PLP1: variants seen among roughly 807,000 people sequenced by gnomAD.
The protein encoded by PLP1 is proteolipid protein 1.
A neutral mutation model predicts 18.5 loss-of-function variants in PLP1; 2 were observed. The observed-to-expected ratio is 0.11, with a 90% CI of 0.04 to 0.34. The LOEUF is 0.34. Among genes scored for constraint, PLP1 ranks in the 10% least tolerant of loss-of-function variants. PLP1 has a pLI of 1.00. For synonymous variants in PLP1, 86 were observed against 83.2 expected (o/e 1.03, Z -0.19); for missense variants, 105 against 207.3 (o/e 0.51, Z 3.03).
intron 3 of PLP1, 103 bp downstream of exon 3, chrX:103,786,829 C>A: frequency 1.1e-6 from 1 of 884,059 alleles, no homozygotes; most frequent in Non-Finnish European, 1.7e-6. Context: ...CTCTAGGGGC[C>A]TGGCATTTGA....
intron 5 of PLP1, 73 bp from the exon 6 acceptor site, chrX:103,789,260 G>A (rs991952754): frequency 2.7e-6 from 2 of 751,895 alleles, no homozygotes; most frequent in African/African-American, 4.1e-5. Context: ...TCAGAAAGCT[G>A]TATTCATGAT....
At chrX:103,783,684 A>G (rs2074472257) in intron 1 of PLP1, among the ~76,000 whole-genome samples, 1 of 112,312 alleles carries the variant, frequency 8.9e-6, no homozygotes, top group African/African-American at 3.2e-5. Context: ...GGCTAAAAAC[A>G]AACTGTAACT....
chrX:103,785,787 A>G lies in PLP1; in HGVS notation c.191+19A>G, dbSNP rs746599075. On this transcript the variant is annotated intron_variant, in intron 2 of 6. Transcript: ENST00000621218. The stretch of plus-strand genomic sequence containing the variant: ...TCAATGTGTAAGTACCTGCCCTCCC[A>G]CACAGACCCATCTTTTTTTTCCCTC... 16 of 1,163,563 alleles carry G rather than the reference A, an allele frequency of 1.4e-5. No homozygotes were observed. The highest frequency in any genetic ancestry group is 1.3e-4 in the Admixed American group (6 of 45,727).
At chrX:103,787,217 G>T (rs952603351) in intron 3 of PLP1, among the ~76,000 whole-genome samples, 1 of 111,571 alleles carries the variant, frequency 9.0e-6, no homozygotes, top group Non-Finnish European at 1.9e-5. Context: ...GAGTAGATCT[G>T]CATGTTGAAT....
Position 103,787,884 on chromosome X carries a change from C to T in PLP1, c.540C>T (p.Thr180=). The T allele has an allele frequency of 8.3e-7, 1 of 1,207,186 alleles. No homozygotes were observed. The highest frequency in any genetic ancestry group is 1.1e-6 in the Non-Finnish European group (1 of 891,336). Reference sequence around the variant, plus strand: ...TGCCTGTGTACATTTACTTCAACACCTGGACCACCTGCCAGTCTATTGCCT... The same window carrying T: ...TGCCTGTGTACATTTACTTCAACACTTGGACCACCTGCCAGTCTATTGCCT... ...SAVPVYIYFN[T]WTTCQSIAFP... is the part of the protein sequence containing the mutation. Residue 180 remains threonine (T), a synonymous_variant, in exon 4 of 7, where the codon ACC becomes ACT. Transcript: ENST00000621218.
At chrX:103,788,139 G>C (rs2858186) in intron 4 of PLP1, among the ~76,000 whole-genome samples, 173 bp downstream of exon 4, 1 of 111,951 alleles carries the variant, frequency 8.9e-6, no homozygotes, top group African/African-American at 3.3e-5. Context: ...TTTCTTCCCC[G>C]GGAAGGGAAC....
chrX:103,779,087 G>A (rs2074432767), intron 1 of PLP1, among the ~76,000 whole-genome samples: 2 of 112,508 alleles, frequency 1.8e-5, no homozygotes, highest in South Asian at 3.7e-4. Context: ...GATTTATGGG[G>A]AAAATGATAG....
In PLP1 at chrX:103,792,096, T is replaced by C. The variant is rs1483204776; in HGVS notation, c.*1498T>C. ...GAATAGCTCCCAGATTTCAGTCTTT[T>C]CCTGTTTTTGTTAACTTTGGGTTAA... On this transcript the variant is annotated 3_prime_UTR_variant, in exon 7 of 7. Coordinates refer to ENST00000621218, the MANE Select transcript of PLP1 (RefSeq NM_000533.5). 1 of 111,206 alleles carries C rather than the reference T, an allele frequency of 9.0e-6. No individual in the cohort carries two copies. The highest frequency in any genetic ancestry group is 2.8e-4 in the East Asian group (1 of 3,576). The allele number at this position is 111,206 out of a possible 1,213,427, so 9.2% of individuals were successfully genotyped here.
intron 1 of PLP1, among the ~76,000 whole-genome samples, chrX:103,783,427 T>A (rs767855810): frequency 8.9e-6 from 1 of 112,684 alleles, no homozygotes; most frequent in Non-Finnish European, 1.9e-5. Context: ...GCTCCAAATG[T>A]TAGCTGCTTA....
intron 1 of PLP1, among the ~76,000 whole-genome samples, chrX:103,777,278 C>T (rs2074418440): frequency 9.0e-6 from 1 of 111,283 alleles, no homozygotes; most frequent in Non-Finnish European, 1.9e-5. Context: ...TCCTCCTACC[C>T]CCTCACTTCC....
At chrX:103,783,986 C>CT (rs950517576) in intron 1 of PLP1, among the ~76,000 whole-genome samples, 1 of 104,987 alleles carries the variant, frequency 9.5e-6, no homozygotes, top group Non-Finnish European at 2.0e-5. Flanking sequence ...GACATTTTTT[C>CT]TGAAGAGCTT....
At chrX:103,786,004 C>G in intron 2 of PLP1, 1 of 422,112 alleles carries the variant, frequency 2.4e-6, no homozygotes, top group Non-Finnish European at 4.0e-6. Context: ...TGTTTTCTTA[C>G]ACGTGTTCTG....
rs2074509927 is a variant in PLP1, at chrX:103,787,791, A to G, written c.454-7A>G. 8.3e-7 allele frequency: 1 copy of G among 1,205,080 alleles called. No homozygotes were observed. The highest frequency in any genetic ancestry group is 1.7e-5 in the African/African-American group (1 of 57,618). On this transcript the variant is annotated splice_region_variant and splice_polypyrimidine_tract_variant and intron_variant, in intron 3 of 6. Coordinates refer to ENST00000621218, the MANE Select transcript of PLP1 (RefSeq NM_000533.5). ...GATTTCTAACCACCCCATGTCAATC[A>G]TTTTAGTTTGTGGGCATCACCTATG...
Position 103,791,167 on chromosome X carries a change from A to G in PLP1, c.*569A>G, listed in dbSNP as rs2074542501. ...TATTGCAGCTGGGAGAAGGGGGTCAAAGCAAGGATCTTTCACCCACAGAAA... is the reference window on the plus strand; with the variant it reads ...TATTGCAGCTGGGAGAAGGGGGTCAGAGCAAGGATCTTTCACCCACAGAAA... On this transcript the variant is annotated 3_prime_UTR_variant, in exon 7 of 7. Transcript: ENST00000621218. 2 of 119,261 alleles carry G rather than the reference A, an allele frequency of 1.7e-5. No individual in the cohort carries two copies. The highest frequency in any genetic ancestry group is 6.2e-4 in the South Asian group (2 of 3,252). 9.8% of individuals were successfully genotyped at this position (119,261 alleles called of 1,213,427 possible). A position where few individuals can be genotyped will look rare whatever the true frequency, so the allele number is the denominator to read the frequency against.
rs186270804 is a variant in PLP1 at position 103,791,225 on chromosome X, G to A, written c.*627G>A. The A allele has an allele frequency of 1.4e-4, 16 of 116,089 alleles. No homozygotes were observed. The East Asian group carries it at 3.5e-3, about 26-fold the overall frequency. The allele number at this position is 116,089 out of a possible 1,213,427, so 9.6% of individuals were successfully genotyped here. ...CTGACCCCGATGGCGATGGACTACT[G>A]AAGCCCTAACTCAGCCAACCTTACT... On this transcript the variant is annotated 3_prime_UTR_variant, in exon 7 of 7. Coordinates refer to ENST00000621218, the MANE Select transcript of PLP1 (RefSeq NM_000533.5).
chrX:103,780,581 TTG>T (rs1355306155), intron 1 of PLP1, among the ~76,000 whole-genome samples: 1 of 110,961 alleles, frequency 9.0e-6, no homozygotes, highest in Non-Finnish European at 1.9e-5. Context: ...TTAGTTAACC[TTG>T]TCCACATGAT....
Position 103,787,866 on chromosome X carries a change from G to A in PLP1, c.522G>A (p.Val174=), listed in dbSNP as rs773842592. ...LLVFACSAVP[V]YIYFNTWTTC... ...TGTTTGCCTGCTCTGCTGTGCCTGT[G>A]TACATTTACTTCAACACCTGGACCA... Residue 174 remains valine, a synonymous_variant, in exon 4 of 7, where the codon GTG becomes GTA. Transcript: ENST00000621218. 1 of 1,207,971 alleles carries A rather than the reference G, an allele frequency of 8.3e-7. No homozygotes were observed. Among genetic ancestry groups the A allele is most frequent in the Non-Finnish European group, 1.1e-6 (1 of 892,168 alleles).
rs199854517 is a variant in PLP1 at position 103,785,568 on chromosome X, T to C, written c.5-14T>C. The stretch of plus-strand genomic sequence containing the variant: ...ACTGGATGTGCCTGACTGTTTCCCC[T>C]TCTTCTTCCCCAGGCTTGTTAGAGT... On this transcript the variant is annotated splice_polypyrimidine_tract_variant and intron_variant, in intron 1 of 6. Transcript: ENST00000621218. 26 of 1,202,770 alleles carry C rather than the reference T, an allele frequency of 2.2e-5. No homozygotes were observed. The Admixed American group carries it at 5.5e-4, about 25-fold the overall frequency.
chrX:103,787,746 T>G (rs1288490604), intron 3 of PLP1, 52 bp from the exon 4 acceptor site: 1 of 1,064,013 alleles, frequency 9.4e-7, no homozygotes, highest in African/African-American at 1.8e-5. Flanking sequence ...TTTGTGTTTC[T>G]ACATCTGCAG....
Sources: allele counts gnomAD v4.1 joint callset (sites outside exome capture counted in the v4.1 genomes callset), GRCh38; gene constraint gnomAD v4.1.1; transcripts MANE v1.5; gene names NCBI Gene and HGNC (gene_info 2026-07-23, HGNC 2026-07-21).